The following L3MBTL4 variants were observed in gnomAD, a reference collection of about 807,000 sequenced individuals.
L3MBTL4 encodes L3MBTL histone methyl-lysine binding protein 4.
A neutral mutation model predicts 84.5 loss-of-function variants in L3MBTL4; 70 were observed. That is an observed-to-expected ratio of 0.83 (90% CI 0.68 to 1.01). The LOEUF (loss-of-function observed/expected upper bound fraction) is 1.01, where lower values mean the gene tolerates loss of function less well. Among genes scored for constraint, L3MBTL4 ranks in the 50% least tolerant of loss-of-function variants. The pLI, the probability that L3MBTL4 is intolerant of heterozygous loss-of-function variation, is 0.00. For synonymous variants in L3MBTL4, 274 were observed against 259.8 expected, an observed-to-expected ratio of 1.05 and a Z score of -0.52; for missense variants, 715 against 754.8, an observed-to-expected ratio of 0.95 and a Z score of 0.62.
intron 4 of L3MBTL4, among the ~76,000 whole-genome samples, chr18:6,284,893 G>A (rs961459218): frequency 3.9e-5 from 6 of 152,208 alleles, no homozygotes; most frequent in African/African-American, 1.4e-4. Flanking sequence ...GTCGGAGCCC[G>A]GAACGGGGAG....
chr18:6,159,593 A>G (rs1265679530), intron 13 of L3MBTL4, among the ~76,000 whole-genome samples: 1 of 152,184 alleles, frequency 6.6e-6, no homozygotes, highest in Non-Finnish European at 1.5e-5. Flanking sequence ...AAGTGTTCCC[A>G]TCATAAACAA....
rs142336715 is a variant in L3MBTL4 at position 6,326,898 on chromosome 18, A to G, written c.-90-14842T>C. Among the ~76,000 whole-genome samples, 417 of 152,208 alleles carry G rather than the reference A, an allele frequency of 2.7e-3. 4 individuals carry two copies. Among genetic ancestry groups the G allele is most frequent in the African/African-American group, 9.6e-3 (400 of 41,518 alleles). On this transcript the variant is annotated intron_variant, in intron 1 of 18. Transcript: ENST00000317931. Reference sequence around the variant, plus strand: ...GCATTGTATGTTCATTAATTTGTCTACTCCTTCCAATGACCCTGATTTAAC... The same window carrying G: ...GCATTGTATGTTCATTAATTTGTCTGCTCCTTCCAATGACCCTGATTTAAC...
chr18:6,166,310 A>G (rs956411630), intron 13 of L3MBTL4, among the ~76,000 whole-genome samples: 1 of 152,184 alleles, frequency 6.6e-6, no homozygotes, highest in African/African-American at 2.4e-5. Flanking sequence ...AATTGAACTC[A>G]GCTCTGCACC....
chr18:6,068,062 T>C (rs895260770), intron 16 of L3MBTL4, among the ~76,000 whole-genome samples: 23 of 152,192 alleles, frequency 1.5e-4, no homozygotes, highest in African/African-American at 4.6e-4. Flanking sequence ...TGGGGAAGAC[T>C]CTGTAGGAGT....
chr18:6,255,195 G>C (rs1403913965), intron 5 of L3MBTL4, among the ~76,000 whole-genome samples: 2 of 152,138 alleles, frequency 1.3e-5, no homozygotes, highest in African/African-American at 4.8e-5. Context: ...GTCTACCCTT[G>C]ATTCCAAATG....
chr18:6,369,848 C>A (rs1436515657), intron 1 of L3MBTL4, among the ~76,000 whole-genome samples: 1 of 152,082 alleles, frequency 6.6e-6, no homozygotes, highest in Non-Finnish European at 1.5e-5. Flanking sequence ...ATAAAGAAAG[C>A]ACCAGTGGGG....
At chr18:6,236,959 C>T in intron 10 of L3MBTL4, among the ~76,000 whole-genome samples, 1 of 152,046 alleles carries the variant, frequency 6.6e-6, no homozygotes, top group Admixed American at 6.6e-5. Context: ...ATGGCACATC[C>T]CTTACTCTAC....
At chr18:6,137,289 A>C (rs1423848654) in intron 14 of L3MBTL4, among the ~76,000 whole-genome samples, 2 of 152,182 alleles carry the variant, frequency 1.3e-5, no homozygotes, top group African/African-American at 4.8e-5. Flanking sequence ...TTAAGTGTTA[A>C]TAGATTTACA....
intron 1 of L3MBTL4, among the ~76,000 whole-genome samples, chr18:6,400,772 A>C (rs1434893271): frequency 6.6e-6 from 1 of 152,154 alleles, no homozygotes; most frequent in Non-Finnish European, 1.5e-5. Flanking sequence ...GGCAATAATC[A>C]AGAAAATGGC....
chr18:6,284,044 A>G (rs417555), intron 4 of L3MBTL4, among the ~76,000 whole-genome samples: 7,821 of 152,252 alleles, frequency 0.051, 612 homozygotes, highest in African/African-American at 0.17. Context: ...CATTAGGGAA[A>G]TTTCTGTGTA....
intron 16 of L3MBTL4, among the ~76,000 whole-genome samples, chr18:6,001,042 C>T (rs906429632): frequency 2.0e-5 from 3 of 152,238 alleles, no homozygotes; most frequent in Non-Finnish European, 4.4e-5. Context: ...CAACTACTCA[C>T]TTCCCATCCT....
intron 16 of L3MBTL4, among the ~76,000 whole-genome samples, chr18:6,012,680 A>AC: frequency 6.6e-6 from 1 of 151,184 alleles, no homozygotes; most frequent in East Asian, 2.0e-4. Context: ...AAAAAAAAAA[A>AC]ATTAGCCGAT....
chr18:6,355,842 TA>T lies in L3MBTL4; in HGVS notation c.-90-43787del, dbSNP rs35189133. Among the ~76,000 whole-genome samples the T allele has an allele frequency of 4.8e-4, 70 of 145,132 alleles. 1 individual carries two copies. The highest frequency in any genetic ancestry group is 3.5e-3 in the Middle Eastern group (1 of 284). ...GAATTACTTTTCTCATTCAAATTTA[TA>T]AAAAAAAAAAACAAACAAAGCAGTG... On this transcript the variant is annotated intron_variant, in intron 1 of 18. Transcript: ENST00000317931.
chr18:6,275,602 AG>A (rs1210077191), intron 4 of L3MBTL4, among the ~76,000 whole-genome samples: 1 of 152,178 alleles, frequency 6.6e-6, no homozygotes, highest in Non-Finnish European at 1.5e-5. Flanking sequence ...GTTTGTGATG[AG>A]GACGAGGCTC....
intron 16 of L3MBTL4, among the ~76,000 whole-genome samples, chr18:6,038,033 G>A (rs1393428794): frequency 6.6e-6 from 1 of 152,050 alleles, no homozygotes; most frequent in South Asian, 2.1e-4. Flanking sequence ...TACGTACTTT[G>A]GAACAGGTTA....
chr18:6,398,497 TG>T (rs571905916), intron 1 of L3MBTL4, among the ~76,000 whole-genome samples: 8 of 152,110 alleles, frequency 5.3e-5, no homozygotes, highest in Non-Finnish European at 1.2e-4. Flanking sequence ...AGGGCCTCTC[TG>T]GGGAGCTGAG....
At chr18:6,127,883 G>A (rs1796237747) in intron 14 of L3MBTL4, among the ~76,000 whole-genome samples, 1 of 152,136 alleles carries the variant, frequency 6.6e-6, no homozygotes, top group African/African-American at 2.4e-5. Flanking sequence ...GGCTCCAGCA[G>A]TGCACACAAA....
At chr18:6,259,348 C>G (rs1454679876) in intron 5 of L3MBTL4, 1 of 152,158 alleles carries the variant, frequency 6.6e-6, no homozygotes, top group Non-Finnish European at 1.5e-5. Context: ...ACTCCATGTG[C>G]CTTTCTTTCT....
At chr18:6,133,572 C>T (rs1323213921) in intron 14 of L3MBTL4, among the ~76,000 whole-genome samples, 1 of 152,054 alleles carries the variant, frequency 6.6e-6, no homozygotes, top group African/African-American at 2.4e-5. Flanking sequence ...ACTAATGTTA[C>T]AGCAGGTATA....
Sources: allele counts gnomAD v4.1 joint callset (sites outside exome capture counted in the v4.1 genomes callset), GRCh38; gene constraint gnomAD v4.1.1; transcripts MANE v1.5; gene names NCBI Gene and HGNC (gene_info 2026-07-23, HGNC 2026-07-21).